The following RNF19A variants were observed in gnomAD, a reference collection of about 807,000 sequenced individuals.
RNF19A encodes ring finger protein 19A, RBR E3 ubiquitin protein ligase, also known as E3 ubiquitin-protein ligase RNF19A.
A neutral mutation model predicts 75.7 loss-of-function variants in RNF19A; 32 were observed. The ratio of observed to expected loss-of-function variants is 0.42; its 90% CI spans 0.32 to 0.57. RNF19A has a LOEUF of 0.57. Among genes scored for constraint, RNF19A ranks in the 20% least tolerant of loss-of-function variants. RNF19A has a pLI of 0.10. For synonymous variants in RNF19A, 335 were observed against 345.2 expected, an observed-to-expected ratio of 0.97 and a Z score of 0.33; for missense variants, 782 against 1,036.3, an observed-to-expected ratio of 0.75 and a Z score of 3.37.
At chr8:100,293,952 T>C (rs184225339) in intron 1 of RNF19A, among the ~76,000 whole-genome samples, 82 of 152,364 alleles carry the variant, frequency 5.4e-4, no homozygotes, top group Admixed American at 4.4e-3. Flanking sequence ...ATTGTTCTTT[T>C]TCATAGTTTC....
At chr8:100,279,554 ATTTTTT>A (rs1195428593) in intron 2 of RNF19A, among the ~76,000 whole-genome samples, 1 of 151,064 alleles carries the variant, frequency 6.6e-6, no homozygotes, top group Non-Finnish European at 1.5e-5. Context: ...TTGTACTTTT[ATTTTTT>A]ATTTACTTTT....
rs906811730 is a variant in RNF19A at position 100,261,418 on chromosome 8, T to G, written c.1682+124A>C. On this transcript the variant is annotated intron_variant, in intron 8 of 9. Transcript: ENST00000341084. This position sits in a 1 kb window ranked among gnomAD's most constrained non-coding sequence, Gnocchi z 4.4. Reference sequence around the variant, plus strand: ...TGGCCCCAAATTTCATTTTTAACATTACTATTTTGAACCTTGACATAGTAG... The same window carrying G: ...TGGCCCCAAATTTCATTTTTAACATGACTATTTTGAACCTTGACATAGTAG... The G allele has an allele frequency of 1.2e-6, 1 of 862,732 alleles. No individual in the cohort carries two copies. Among genetic ancestry groups the G allele is most frequent in the African/African-American group, 1.7e-5 (1 of 59,132 alleles). 53.4% of individuals were successfully genotyped at this position (862,732 alleles called of 1,614,324 possible). A position where few individuals can be genotyped will look rare whatever the true frequency, so the allele number is the denominator to read the frequency against.
intron 1 of RNF19A, chr8:100,309,638 G>A: frequency 1.1e-6 from 1 of 929,604 alleles, no homozygotes; most frequent in Non-Finnish European, 1.3e-6. Context: ...CGCCTGGGCC[G>A]GGTAGGGGAC....
rs569695541 is a variant in RNF19A, at chr8:100,330,897, A to G, written c.-243+5211T>C. ...TGCTGTGTATACAGCATTAATGCGA[A>G]AAGTGCAGACTGGCTCCAAGGCTCT... On this transcript the variant is annotated intron_variant, in intron 1 of 3. Transcript: ENST00000519527. The surrounding 1 kb of genome is among the most constrained non-coding windows in gnomAD (Gnocchi z 4.1). Among the ~76,000 whole-genome samples, 396 of 152,348 alleles carry G rather than the reference A, an allele frequency of 2.6e-3. 1 individual carries two copies. Among genetic ancestry groups the G allele is most frequent in the Middle Eastern group, 0.01 (3 of 294 alleles).
chr8:100,273,537 G>A (rs1188654263), intron 3 of RNF19A, among the ~76,000 whole-genome samples: 1 of 152,072 alleles, frequency 6.6e-6, no homozygotes, highest in Non-Finnish European at 1.5e-5. Context: ...AAACTCCCAT[G>A]GTGACTACGT....
chr8:100,258,595 C>T lies in RNF19A; in HGVS notation c.2478G>A (p.Gln826=), dbSNP rs377389531. ...GAATTGCAACTTTTAATTCCATTGT[C>T]TGATGTGAGTGGTTGTTATTTGTTT... ...LKETNNNHSH[Q]TMELKVAIQT... Residue 826 remains glutamine, a synonymous_variant, in exon 10 of 10, where the codon CAG becomes CAA. Coordinates refer to ENST00000341084, the MANE Select transcript of RNF19A (RefSeq NM_183419.4). This position sits in a 1 kb window ranked among gnomAD's most constrained non-coding sequence, Gnocchi z 4.3. 1.2e-6 allele frequency: 2 copies of T among 1,612,868 alleles called. No homozygotes were observed. The highest frequency in any genetic ancestry group is 2.7e-5 in the African/African-American group (2 of 74,840).
intron 1 of RNF19A, among the ~76,000 whole-genome samples, chr8:100,302,900 T>A (rs1313435483): frequency 1.3e-5 from 2 of 152,082 alleles, no homozygotes; most frequent in African/African-American, 4.8e-5. Flanking sequence ...ACAAGCAAAA[T>A]AACAAAATGT....
chr8:100,289,938 C>T (rs1250374932), intron 1 of RNF19A, among the ~76,000 whole-genome samples: 1 of 152,134 alleles, frequency 6.6e-6, no homozygotes, highest in African/African-American at 2.4e-5. Context: ...GGTATATTCA[C>T]ACTCTAAAGC....
At chr8:100,286,446 T>A (rs1821023174) in intron 2 of RNF19A, among the ~76,000 whole-genome samples, 1 of 152,236 alleles carries the variant, frequency 6.6e-6, no homozygotes, top group Admixed American at 6.5e-5. Context: ...TAGGTAATTT[T>A]TGAATGTTGT....
chr8:100,289,126 T>A (rs1234189444), intron 1 of RNF19A, among the ~76,000 whole-genome samples: 2 of 151,424 alleles, frequency 1.3e-5, no homozygotes, highest in Non-Finnish European at 2.9e-5. Flanking sequence ...GTGATGTTGC[T>A]GAGAACTGAG....
chr8:100,307,127 T>C (rs1265887344), intron 1 of RNF19A, among the ~76,000 whole-genome samples: 3 of 152,224 alleles, frequency 2.0e-5, no homozygotes, highest in Non-Finnish European at 2.9e-5. Flanking sequence ...TGGCAAAGAA[T>C]GTTAAAAGAT....
chr8:100,270,174 CTTCT>C (rs1820186705), intron 3 of RNF19A, among the ~76,000 whole-genome samples, 161 bp from the exon 4 acceptor site: 1 of 152,010 alleles, frequency 6.6e-6, no homozygotes. Context: ...TTTTTCTTCC[CTTCT>C]AAGAAAACAT....
In RNF19A at chr8:100,261,802, T is replaced by C. The variant is rs755193155; in HGVS notation, c.1469-47A>G. ...AAACTAAGTAAGTATGATTATCAAT[T>C]TTCTCCTTCTTAAATTCCTCCATGA... On this transcript the variant is annotated intron_variant, in intron 7 of 9. Coordinates refer to ENST00000341084, the MANE Select transcript of RNF19A (RefSeq NM_183419.4). This position sits in a 1 kb window ranked among gnomAD's most constrained non-coding sequence, Gnocchi z 4.4. The C allele has an allele frequency of 2.3e-5, 36 of 1,560,542 alleles. No individual in the cohort carries two copies. Among genetic ancestry groups the C allele is most frequent in the Non-Finnish European group, 3.2e-5 (36 of 1,131,422 alleles).
intron 1 of RNF19A, among the ~76,000 whole-genome samples, chr8:100,305,770 T>G (rs1054800430): frequency 6.6e-6 from 1 of 152,218 alleles, no homozygotes; most frequent in Non-Finnish European, 1.5e-5. Flanking sequence ...GAGCTTGCAT[T>G]AGCTCCTATA....
In RNF19A at chr8:100,264,780, G is replaced by A. The variant is rs146340012; in HGVS notation, c.1197C>T (p.His399=). 4.3e-6 allele frequency: 7 copies of A among 1,610,498 alleles called. No homozygotes were observed. Among genetic ancestry groups the A allele is most frequent in the Non-Finnish European group, 5.1e-6 (6 of 1,177,144 alleles). ...AAACATCCTTGCCTTCATAGCGATT[G>A]TGAATCTTGAATTAATAAAAATAGG... ...GIPVYVGRKI[H]NRYEGKDVSK... Residue 399 remains histidine (H), a synonymous_variant, in exon 6 of 10, where the codon CAC becomes CAT. Transcript: ENST00000341084. This position sits in a 1 kb window ranked among gnomAD's most constrained non-coding sequence, Gnocchi z 4.7.
chr8:100,298,466 G>A lies in RNF19A; in HGVS notation c.-93-10199C>T, dbSNP rs553790188. ...ATAATTCAACATATCATTAGTGTAG[G>A]TGAGTATCAGTTTCCAACAAGTTCT... On this transcript the variant is annotated intron_variant, in intron 1 of 9. Coordinates refer to ENST00000341084, the MANE Select transcript of RNF19A (RefSeq NM_183419.4). Among the ~76,000 whole-genome samples, 3 of 152,272 alleles carry A rather than the reference G, an allele frequency of 2.0e-5. No individual in the cohort carries two copies. The East Asian group carries it at 5.8e-4, about 29-fold the overall frequency.
intron 2 of RNF19A, among the ~76,000 whole-genome samples, chr8:100,280,548 A>G (rs1402325318): frequency 6.6e-6 from 1 of 152,240 alleles, no homozygotes; most frequent in African/African-American, 2.4e-5. Context: ...TAAACATTCA[A>G]GTCTTACTGA....
At chr8:100,271,874 A>G (rs1201247478) in intron 3 of RNF19A, among the ~76,000 whole-genome samples, 1 of 152,188 alleles carries the variant, frequency 6.6e-6, no homozygotes, top group African/African-American at 2.4e-5. Flanking sequence ...GTTTATGGTT[A>G]GTTGATCCCC....
chr8:100,297,697 G>A (rs746467833), intron 1 of RNF19A, among the ~76,000 whole-genome samples: 29 of 152,222 alleles, frequency 1.9e-4, no homozygotes, highest in Non-Finnish European at 3.4e-4. Flanking sequence ...GGATACCTGA[G>A]TACTACACAT....
Sources: allele counts gnomAD v4.1 joint callset (sites outside exome capture counted in the v4.1 genomes callset), GRCh38; gene constraint gnomAD v4.1.1; non-coding constraint Gnocchi (gnomAD v3.1); transcripts MANE v1.5; gene names NCBI Gene and HGNC (gene_info 2026-07-23, HGNC 2026-07-21).